CDC25C: variants seen among roughly 807,000 people sequenced by gnomAD.
CDC25C encodes the protein cell division cycle 25C, also known as M-phase inducer phosphatase 3.
A neutral mutation model predicts 52.5 loss-of-function variants in CDC25C; 48 were observed. The observed-to-expected ratio is 0.91, with a 90% CI of 0.72 to 1.16. CDC25C has a LOEUF of 1.16. Among genes scored for constraint, CDC25C ranks in the 50% most tolerant of loss-of-function variants. The probability of loss-of-function intolerance (pLI) is 0.00; values close to 1 mark genes in which losing one functional copy is unlikely to be tolerated. For missense variants in CDC25C, 510 were observed against 566.1 expected (o/e 0.90, Z 1.01); for synonymous variants, 187 against 206.5 (o/e 0.91, Z 0.81).
chr5:138,286,748 C>T (rs1756277827), intron 11 of CDC25C, 118 bp from the exon 12 acceptor site: 1 of 880,666 alleles, frequency 1.1e-6, no homozygotes, highest in African/African-American at 1.7e-5. Flanking sequence ...GGACTATAAG[C>T]ACCTTTAGGG....
intron 9 of CDC25C, 126 bp from the exon 10 acceptor site, chr5:138,289,689 G>T: frequency 1.4e-6 from 1 of 693,212 alleles, no homozygotes; most frequent in Non-Finnish European, 2.6e-6. Context: ...AAAAATCAGT[G>T]TCTCTATAAA....
intron 1 of CDC25C, chr5:138,337,150 G>A (rs1176325550): frequency 6.6e-6 from 1 of 152,152 alleles, no homozygotes; most frequent in Non-Finnish European, 1.5e-5. Flanking sequence ...ATTGTTTAAA[G>A]CCTCTCCTTT....
chr5:138,307,063 C>G (rs555402007), intron 7 of CDC25C, among the ~76,000 whole-genome samples: 1 of 151,538 alleles, frequency 6.6e-6, no homozygotes, highest in Non-Finnish European at 1.5e-5. Flanking sequence ...AGGCTGGTCT[C>G]GAACTCCTGA....
intron 7 of CDC25C, among the ~76,000 whole-genome samples, chr5:138,310,310 T>C (rs1000182064): frequency 1.3e-5 from 2 of 152,212 alleles, no homozygotes; most frequent in African/African-American, 2.4e-5. Context: ...GTCTACCTGA[T>C]AATGCCCTCA....
intron 6 of CDC25C, among the ~76,000 whole-genome samples, chr5:138,322,824 T>C (rs571106267): frequency 1.3e-5 from 2 of 152,028 alleles, no homozygotes; most frequent in African/African-American, 4.8e-5. Context: ...TTTCACCATG[T>C]TGCCCAGGCT....
intron 9 of CDC25C, 102 bp from the exon 10 acceptor site, chr5:138,289,665 C>G: frequency 1.2e-6 from 1 of 865,868 alleles, no homozygotes; most frequent in Non-Finnish European, 1.9e-6. Context: ...CCTTAAAACC[C>G]CAGAGGCCTT....
At chr5:138,320,545 C>T (rs923153725) in intron 6 of CDC25C, among the ~76,000 whole-genome samples, 4 of 151,930 alleles carry the variant, frequency 2.6e-5, no homozygotes, top group Non-Finnish European at 5.9e-5. Flanking sequence ...ATAGGCTGGA[C>T]GCAGTGGCTC....
chr5:138,321,668 C>T (rs1303956800), intron 6 of CDC25C, among the ~76,000 whole-genome samples: 4 of 134,318 alleles, frequency 3.0e-5, no homozygotes, highest in Non-Finnish European at 6.2e-5. Flanking sequence ...AGTGGAATTG[C>T]TTGAACCCAG....
intron 6 of CDC25C, among the ~76,000 whole-genome samples, 171 bp from the exon 7 acceptor site, chr5:138,319,545 T>C (rs1759182180): frequency 6.6e-6 from 1 of 152,112 alleles, no homozygotes. Flanking sequence ...AACAGATAAA[T>C]TGGTCTTCAT....
intron 7 of CDC25C, among the ~76,000 whole-genome samples, chr5:138,304,592 ACCT>A (rs1261012757): frequency 2.0e-5 from 3 of 149,402 alleles, no homozygotes; most frequent in Admixed American, 1.3e-4. Context: ...TGCAGCCTTG[ACCT>A]CCTGGGCTCA....
intron 6 of CDC25C, among the ~76,000 whole-genome samples, chr5:138,325,100 T>G (rs1225482920): frequency 6.6e-6 from 1 of 151,898 alleles, no homozygotes; most frequent in Non-Finnish European, 1.5e-5. Flanking sequence ...TGATTATAAA[T>G]GGAGATTAGA....
At position 138,286,638 on chromosome 5, in the gene CDC25C, A is replaced by G. The variant is rs1228908273; in HGVS notation, c.1027-8T>C. ...ATATAAGTTTAAGGCTCCCTGTAGA[A>G]GAAGAATTTTAGTAAGTATTTCCTC... On this transcript the variant is annotated splice_region_variant and splice_polypyrimidine_tract_variant and intron_variant, in intron 11 of 13. Coordinates refer to ENST00000323760, the MANE Select transcript of CDC25C (RefSeq NM_001790.5). 4 of 1,606,268 alleles carry G rather than the reference A, an allele frequency of 2.5e-6. No individual in the cohort carries two copies. The highest frequency in any genetic ancestry group is 3.4e-6 in the Non-Finnish European group (4 of 1,176,388).
chr5:138,285,508 C>A lies in CDC25C; in HGVS notation c.*184G>T. The A allele has an allele frequency of 3.1e-6, 2 of 642,784 alleles. No homozygotes were observed. Among genetic ancestry groups the A allele is most frequent in the Non-Finnish European group, 5.5e-6 (2 of 365,216 alleles). The allele number at this position is 642,784 out of a possible 1,614,324, so 39.8% of individuals were successfully genotyped here. The stretch of plus-strand genomic sequence containing the variant: ...TTATAGAGCCAGCTCCAGGACTCTG[C>A]CACCAGCTTTCAGCTCTGCTGAAAC... On this transcript the variant is annotated 3_prime_UTR_variant, in exon 14 of 14. Coordinates refer to ENST00000323760, the MANE Select transcript of CDC25C (RefSeq NM_001790.5).
chr5:138,313,893 T>C (rs1193612810), intron 7 of CDC25C, among the ~76,000 whole-genome samples: 2 of 152,158 alleles, frequency 1.3e-5, no homozygotes, highest in East Asian at 1.9e-4. Flanking sequence ...TTCATTATAC[T>C]GTTGTCACCA....
At position 138,286,087 on chromosome 5, in the gene CDC25C, C is replaced by T. The variant is rs1297039218; in HGVS notation, c.1207G>A (p.Ala403Thr). The T allele has an allele frequency of 1.9e-6, 3 of 1,613,994 alleles. No individual in the cohort carries two copies. Among genetic ancestry groups the T allele is most frequent in the South Asian group, 2.2e-5 (2 of 91,082 alleles). The stretch of plus-strand genomic sequence containing the variant: ...ATATATAGCTCTGGGTAGTACAATG[C>T]AGGATACTGGTTCAGAGACCTGTCC... ...EEDRSLNQYP[A>T]LYYPELYILK... The change falls in exon 13 of 14, where the codon GCA becomes ACA. Residue 403 changes from alanine to threonine, a missense_variant. By Grantham distance (58) the Ala-to-Thr change is moderately conservative (BLOSUM62 0). Transcript: ENST00000323760.
intron 6 of CDC25C, among the ~76,000 whole-genome samples, chr5:138,320,011 G>T (rs768387557): frequency 6.6e-6 from 1 of 152,108 alleles, no homozygotes; most frequent in Non-Finnish European, 1.5e-5. Flanking sequence ...ATACCCAAAA[G>T]AATTAAAAGC....
At chr5:138,291,258 G>A (rs1160359766) in intron 8 of CDC25C, among the ~76,000 whole-genome samples, 1 of 151,882 alleles carries the variant, frequency 6.6e-6, no homozygotes, top group Admixed American at 6.6e-5. Context: ...CAAAGGCTAA[G>A]TTTTTCAGAA....
chr5:138,330,191 GA>G (rs1021291059), intron 2 of CDC25C, among the ~76,000 whole-genome samples: 44 of 151,984 alleles, frequency 2.9e-4, no homozygotes, highest in African/African-American at 1.1e-3. Context: ...TACTGAAACA[GA>G]TAATTTTTTT....
intron 2 of CDC25C, among the ~76,000 whole-genome samples, chr5:138,330,008 G>T (rs913743316): frequency 1.3e-5 from 2 of 152,064 alleles, no homozygotes; most frequent in Admixed American, 1.3e-4. Context: ...TGGGATTACA[G>T]GTGTGAGCCA....
Sources: gnomAD v4.1 joint callset for allele counts (sites outside exome capture counted in the v4.1 genomes callset) on GRCh38, gnomAD v4.1.1 for gene constraint, MANE v1.5 for transcripts, NCBI Gene and HGNC (gene_info 2026-07-23, HGNC 2026-07-21) for gene names.